Variants in YIF1B observed in about 807,000 individuals in gnomAD.
YIF1B encodes the protein protein YIF1B.
YIF1B carries 24 observed loss-of-function variants against 34.6 expected under a neutral mutation model. The ratio of observed to expected loss-of-function variants is 0.69; its 90% CI spans 0.50 to 0.98. The LOEUF (loss-of-function observed/expected upper bound fraction) is 0.98, where lower values mean the gene tolerates loss of function less well. Among genes scored for constraint, YIF1B ranks in the 50% least tolerant of loss-of-function variants. YIF1B has a pLI of 0.00. For missense variants in YIF1B, 368 were observed against 429.4 expected (o/e 0.86, Z 1.26); for synonymous variants, 186 against 184.8 (o/e 1.01, Z -0.05).
In YIF1B at chr19:38,305,113, C is replaced by T; in HGVS notation, c.*239G>A. 2 of 1,452,900 alleles carry T rather than the reference C, an allele frequency of 1.4e-6. No individual in the cohort carries two copies. Among genetic ancestry groups the T allele is most frequent in the Admixed American group, 2.4e-5 (1 of 40,822 alleles). The allele number at this position is 1,452,900 out of a possible 1,614,324, so 90.0% of individuals were successfully genotyped here. On this transcript the variant is annotated 3_prime_UTR_variant, in exon 8 of 8. Coordinates refer to ENST00000339413, the MANE Select transcript of YIF1B (RefSeq NM_001039672.3). The stretch of plus-strand genomic sequence containing the variant: ...CGCGAGGCCAAGGAGAGGCTGTCCA[C>T]GCCATGCCCATCAGGGTTTATTGTT...
Position 38,304,819 on chromosome 19 carries a change from TCCCATCC to T in YIF1B, c.*526_*532del. 1.9e-6 allele frequency: 3 copies of T among 1,613,376 alleles called. No individual in the cohort carries two copies. The highest frequency in any genetic ancestry group is 2.5e-6 in the Non-Finnish European group (3 of 1,179,912). On this transcript the variant is annotated 3_prime_UTR_variant, in exon 8 of 8. Coordinates refer to ENST00000339413, the MANE Select transcript of YIF1B (RefSeq NM_001039672.3). ...TTCCAGCCCAGAACCATCTCTTCTC[TCCCATCC>T]CTGCCCTCGGCCCCACAGTCCCACG...
upstream of YIF1B, chr19:38,319,981 T>G (rs1175653206): frequency 6.8e-7 from 1 of 1,470,800 alleles, no homozygotes; most frequent in Non-Finnish European, 8.9e-7. Flanking sequence ...GGCGGGCGCC[T>G]TGGCCGCGTA....
In YIF1B at chr19:38,304,365, C is replaced by T; in HGVS notation, c.*987G>A. 1.3e-6 allele frequency: 2 copies of T among 1,598,346 alleles called. No individual in the cohort carries two copies. The highest frequency in any genetic ancestry group is 1.7e-6 in the Non-Finnish European group (2 of 1,173,666). On this transcript the variant is annotated 3_prime_UTR_variant, in exon 8 of 8. Coordinates refer to ENST00000339413, the MANE Select transcript of YIF1B (RefSeq NM_001039672.3). ...GCTGCCTGCACCAACCACCCAACTT[C>T]TCTCCACAGCCCTGGAGCCCACCTC... is the stretch of plus-strand genomic sequence containing the variant.
At chr19:38,318,374 C>A (rs1969607304), upstream of YIF1B, among the ~76,000 whole-genome samples, 1 of 151,968 alleles carries the variant, frequency 6.6e-6, no homozygotes, top group African/African-American at 2.4e-5. Context: ...GTCTCTAATT[C>A]CTGAGCTCAA....
intron 1 of YIF1B, among the ~76,000 whole-genome samples, chr19:38,311,749 T>C (rs370381946): frequency 5.9e-5 from 9 of 151,960 alleles, no homozygotes; most frequent in African/African-American, 2.2e-4. Flanking sequence ...TCTGGATCAG[T>C]TTCAGAGCTA....
At chr19:38,317,734 G>A (rs1029924333), upstream of YIF1B, among the ~76,000 whole-genome samples, 4 of 151,758 alleles carry the variant, frequency 2.6e-5, no homozygotes, top group Non-Finnish European at 5.9e-5. Flanking sequence ...GTGTGCCATC[G>A]CACCTGGCTA....
At position 38,304,052 on chromosome 19, in the gene YIF1B, G is replaced by A; in HGVS notation, c.*1300C>T. 2 of 640,818 alleles carry A rather than the reference G, an allele frequency of 3.1e-6. No homozygotes were observed. The highest frequency in any genetic ancestry group is 5.6e-5 in the East Asian group (2 of 35,852). The allele number at this position is 640,818 out of a possible 1,614,324, so 39.7% of individuals were successfully genotyped here. ...CCTCCCCTGAGGCACCAAGGCTGGCGGAAGCAGTCACCTGTCCATCTCCCC... is the reference window on the plus strand; with the variant it reads ...CCTCCCCTGAGGCACCAAGGCTGGCAGAAGCAGTCACCTGTCCATCTCCCC... On this transcript the variant is annotated 3_prime_UTR_variant, in exon 8 of 8. Transcript: ENST00000339413.
chr19:38,320,368 C>A, upstream of YIF1B: 2 of 1,308,568 alleles, frequency 1.5e-6, no homozygotes, highest in Non-Finnish European at 2.1e-6. Context: ...ATACCCTTAT[C>A]CCAATCCCCT....
In YIF1B at chr19:38,306,690, A is replaced by T. The variant is rs112730858; in HGVS notation, c.789+738T>A. 835 of 234,778 alleles carry T rather than the reference A, an allele frequency of 3.6e-3. 6 individuals are homozygous for T. Among genetic ancestry groups the T allele is most frequent in the African/African-American group, 0.017 (709 of 41,744 alleles). The allele number at this position is 234,778 out of a possible 1,614,324, so 14.5% of individuals were successfully genotyped here. A position where few individuals can be genotyped will look rare whatever the true frequency, so the allele number is the denominator to read the frequency against. ...GAAACTGAGTTTATTTTTTATTTTT[A>T]TTTTTTTTTGAGACGGAGTCTCGCT... On this transcript the variant is annotated intron_variant, in intron 7 of 7. Coordinates refer to ENST00000339413, the MANE Select transcript of YIF1B (RefSeq NM_001039672.3).
At chr19:38,316,072 G>T, upstream of YIF1B, 3 of 1,165,042 alleles carry the variant, frequency 2.6e-6, no homozygotes, top group Non-Finnish European at 3.3e-6. Flanking sequence ...CTTCACGGAG[G>T]CCTGGACGAC....
rs536882195 is a variant in YIF1B at position 38,304,145 on chromosome 19, T to C, written c.*1207A>G. 7.9e-6 allele frequency: 10 copies of C among 1,264,080 alleles called. No individual in the cohort carries two copies. The South Asian group carries it at 1.0e-4, about 13-fold the overall frequency. 78.3% of individuals were successfully genotyped at this position (1,264,080 alleles called of 1,614,324 possible). On this transcript the variant is annotated 3_prime_UTR_variant, in exon 8 of 8. Transcript: ENST00000339413. ...TCAGGGCTGAGGACCAGGACAGAGG[T>C]TGGGTGGGGCGTCTCAGCATTCCTC... is the stretch of plus-strand genomic sequence containing the variant.
Position 38,305,185 on chromosome 19 carries a change from GAT to G in YIF1B, c.*165_*166del. 1 of 1,353,832 alleles carries G rather than the reference GAT, an allele frequency of 7.4e-7. No homozygotes were observed. Among genetic ancestry groups the G allele is most frequent in the South Asian group, 1.5e-5 (1 of 66,340 alleles). 83.9% of individuals were successfully genotyped at this position (1,353,832 alleles called of 1,614,324 possible). ...TGGGGCGGTGGCCTGTGCAGCTGGA[GAT>G]CTCTCAGCACCTTGGGTTGGGGGCG... On this transcript the variant is annotated 3_prime_UTR_variant, in exon 8 of 8. Transcript: ENST00000339413.
In YIF1B at chr19:38,305,408, C is replaced by G; in HGVS notation, c.889G>C (p.Val297Leu). 6.2e-7 allele frequency: 1 copy of G among 1,610,250 alleles called. No homozygotes were observed. The highest frequency in any genetic ancestry group is 8.5e-7 in the Non-Finnish European group (1 of 1,178,046). ...ATGAGCATAGGCTGCGCCGCCGCCA[C>G]CGCCATGGTCAGGTACATGCGCAGC... is the stretch of plus-strand genomic sequence containing the variant. ...NQLRMYLTMA[V>L]AAAQPMLMYW... Residue 297 changes from valine (V) to leucine (L), a missense_variant, in exon 8 of 8, where the codon GTG (valine) becomes CTG (leucine). Val to Leu is a conservative substitution (Grantham distance 32). Coordinates refer to ENST00000339413, the MANE Select transcript of YIF1B (RefSeq NM_001039672.3).
At chr19:38,315,626 G>A in intron 1 of YIF1B, 2 of 1,541,934 alleles carry the variant, frequency 1.3e-6, no homozygotes, top group Middle Eastern at 1.9e-4. Context: ...AATGAAAGTT[G>A]CATTTCTCTG....
rs894171155 is a variant in YIF1B, at chr19:38,304,699, C to G, written c.*653G>C. The G allele has an allele frequency of 3.1e-6, 5 of 1,613,648 alleles. No individual in the cohort carries two copies. Among genetic ancestry groups the G allele is most frequent in the Non-Finnish European group, 3.4e-6 (4 of 1,179,972 alleles). On this transcript the variant is annotated 3_prime_UTR_variant, in exon 8 of 8. Coordinates refer to ENST00000339413, the MANE Select transcript of YIF1B (RefSeq NM_001039672.3). ...CACGGATGTGAAGGTAAGGGGCTCT[C>G]GCCAGCGTCCCCAAGCACGTGCCCT... is the stretch of plus-strand genomic sequence containing the variant.
In YIF1B at chr19:38,309,660, T is replaced by G. The variant is rs747321154; in HGVS notation, c.59-17A>C. 9 of 1,588,974 alleles carry G rather than the reference T, an allele frequency of 5.7e-6. No homozygotes were observed. Among genetic ancestry groups the G allele is most frequent in the Non-Finnish European group, 6.8e-6 (8 of 1,171,346 alleles). ...GCTTCGAGGCTGCAAGGGAAGAGAG[T>G]GAGAAGGAGCTGGGGACCCAGGATA... On this transcript the variant is annotated splice_polypyrimidine_tract_variant and intron_variant, in intron 1 of 7. Coordinates refer to ENST00000339413, the MANE Select transcript of YIF1B (RefSeq NM_001039672.3).
intron 7 of YIF1B, chr19:38,306,814 T>G (rs896125570): frequency 6.8e-5 from 24 of 352,690 alleles, no homozygotes; most frequent in Middle Eastern, 1.1e-3. Context: ...CCTGAGTAGC[T>G]GGGACTACAG....
rs1568354338 is a variant in YIF1B, at chr19:38,307,676, G to A, written c.616C>T (p.Leu206Phe). ...WLTLEVLAILLSLYLVTVNTD... is the reference protein window; with the variant it reads ...WLTLEVLAILFSLYLVTVNTD... ...TTGACAGTGACCAGATAGAGGCTGAGCAGGATGGCCAGCACCTCCAGGGTC... is the reference window on the plus strand; with the variant it reads ...TTGACAGTGACCAGATAGAGGCTGAACAGGATGGCCAGCACCTCCAGGGTC... Residue 206 changes from leucine to phenylalanine, a missense_variant, in exon 6 of 8, where the codon CTC becomes TTC. Leu to Phe is a conservative substitution (Grantham distance 22). Around this residue, in one of 3 missense-constraint regions of YIF1B, gnomAD observed 208 missense variants for 247.8 expected, o/e 0.84. Coordinates refer to ENST00000339413, the MANE Select transcript of YIF1B (RefSeq NM_001039672.3). 6.2e-7 allele frequency: 1 copy of A among 1,613,754 alleles called. No homozygotes were observed. Among genetic ancestry groups the A allele is most frequent in the African/African-American group, 1.3e-5 (1 of 75,030 alleles).
chr19:38,321,677 C>T (rs1333509774), upstream of YIF1B, among the ~76,000 whole-genome samples: 2 of 152,238 alleles, frequency 1.3e-5, no homozygotes, highest in East Asian at 1.9e-4. Context: ...CTCGCCCTCC[C>T]GGCCAACAAT....
Sources: gnomAD v4.1 joint callset for allele counts (sites outside exome capture counted in the v4.1 genomes callset) on GRCh38, gnomAD v4.1.1 for gene constraint, gnomAD v4.1.1 regional missense constraint, MANE v1.5 for transcripts, NCBI Gene and HGNC (gene_info 2026-07-23, HGNC 2026-07-21) for gene names.